FIGN: variants seen among roughly 807,000 people sequenced by gnomAD.
FIGN encodes fidgetin, microtubule severing factor, also known as fidgetin.
A neutral mutation model predicts 51.3 loss-of-function variants in FIGN; 11 were observed. That is an observed-to-expected ratio of 0.21 (90% CI 0.13 to 0.35). FIGN has a LOEUF of 0.35. Among genes scored for constraint, FIGN ranks in the 10% least tolerant of loss-of-function variants. FIGN has a pLI of 1.00. For synonymous variants in FIGN, 407 were observed against 363.2 expected (o/e 1.12, Z -1.37); for missense variants, 857 against 943.6 (o/e 0.91, Z 1.20).
chr2:163,631,215 C>T (rs1011307318), intron 2 of FIGN, among the ~76,000 whole-genome samples: 6 of 152,160 alleles, frequency 3.9e-5, no homozygotes, highest in African/African-American at 1.4e-4. Context: ...TTAGCTAATT[C>T]TTAAGACTGT....
At chr2:163,637,667 C>CT (rs567105298) in intron 2 of FIGN, among the ~76,000 whole-genome samples, 4,339 of 145,642 alleles carry the variant, frequency 0.03, 120 homozygotes, top group African/African-American at 0.077. Flanking sequence ...AATTATTTAA[C>CT]TTTTTTTTTT....
intron 2 of FIGN, among the ~76,000 whole-genome samples, chr2:163,685,949 T>A (rs981313306): frequency 6.6e-6 from 1 of 152,216 alleles, no homozygotes; most frequent in Non-Finnish European, 1.5e-5. Context: ...TAAAGGCAGA[T>A]TTATAGAAAA....
intron 2 of FIGN, among the ~76,000 whole-genome samples, chr2:163,644,119 C>A (rs976782790): frequency 6.6e-6 from 1 of 151,684 alleles, no homozygotes; most frequent in Non-Finnish European, 1.5e-5. Context: ...AAATTAAAAA[C>A]GTTTTGCTTC....
At chr2:163,718,609 T>C (rs1311749631) in intron 2 of FIGN, among the ~76,000 whole-genome samples, 1 of 152,158 alleles carries the variant, frequency 6.6e-6, no homozygotes, top group East Asian at 1.9e-4. Flanking sequence ...AATAGATCAT[T>C]TTTATTGGAA....
chr2:163,637,891 C>G (rs889148752), intron 2 of FIGN, among the ~76,000 whole-genome samples: 29 of 152,112 alleles, frequency 1.9e-4, no homozygotes, highest in African/African-American at 7.0e-4. Flanking sequence ...GTGCCACTGA[C>G]AGAATCTCAA....
intron 2 of FIGN, among the ~76,000 whole-genome samples, chr2:163,668,637 A>G (rs1294943699): frequency 6.6e-6 from 1 of 152,212 alleles, no homozygotes; most frequent in African/African-American, 2.4e-5. Flanking sequence ...TTAAATAGGT[A>G]AAACTTATAA....
Position 163,730,597 on chromosome 2 carries a change from C to A in FIGN, c.25+4306G>T, listed in dbSNP as rs536082058. ...TCTAAGTGGTACCCCCAAATAATTT[C>A]TAAGTTCAGTTGATTTCAATAAAAC... On this transcript the variant is annotated intron_variant, in intron 2 of 2. Coordinates refer to ENST00000333129, the MANE Select transcript of FIGN (RefSeq NM_018086.4). Among the ~76,000 whole-genome samples, 10 of 151,856 alleles carry A rather than the reference C, an allele frequency of 6.6e-5. 1 individual carries two copies. The East Asian group carries it at 1.9e-3, about 29-fold the overall frequency.
chr2:163,632,962 A>C (rs879865244), intron 2 of FIGN, among the ~76,000 whole-genome samples: 3 of 152,120 alleles, frequency 2.0e-5, no homozygotes, highest in Non-Finnish European at 4.4e-5. Context: ...AAGCCAAGAC[A>C]GGAGGATTGC....
intron 2 of FIGN, among the ~76,000 whole-genome samples, chr2:163,689,368 T>C (rs1684203919): frequency 6.6e-6 from 1 of 152,182 alleles, no homozygotes; most frequent in African/African-American, 2.4e-5. Context: ...ATATCACATA[T>C]ATGTCTTGAT....
rs140533039 is a variant in FIGN, at chr2:163,626,204, TC to T, written c.26-14399del. On this transcript the variant is annotated intron_variant, in intron 2 of 2. Coordinates refer to ENST00000333129, the MANE Select transcript of FIGN (RefSeq NM_018086.4). ...AAAGTAGAGAAGAAACCAAACTCAT[TC>T]CCTTGTGAATTGGTATAGCTTTCAG... 1.5e-3 allele frequency among the ~76,000 whole-genome samples: 233 copies of T among 152,256 alleles called. 5 individuals are homozygous for T. In the East Asian group the frequency reaches 0.032, roughly 21 times the overall value.
At chr2:163,655,016 G>A (rs951875914) in intron 2 of FIGN, among the ~76,000 whole-genome samples, 1 of 152,140 alleles carries the variant, frequency 6.6e-6, no homozygotes, top group Non-Finnish European at 1.5e-5. Flanking sequence ...TTTATTGTAA[G>A]ACTTTAAGCT....
chr2:163,685,687 T>C (rs1439818418), intron 2 of FIGN, among the ~76,000 whole-genome samples: 1 of 152,178 alleles, frequency 6.6e-6, no homozygotes, highest in African/African-American at 2.4e-5. Context: ...CTGAAGTAAG[T>C]GGAAGAATAC....
intron 2 of FIGN, among the ~76,000 whole-genome samples, chr2:163,663,901 A>AAG (rs1417303245): frequency 6.6e-6 from 1 of 151,912 alleles, no homozygotes; most frequent in African/African-American, 2.4e-5. Context: ...AAGAAAAGAA[A>AAG]AAAAAAAGAT....
rs1489621818 is a variant in FIGN at position 163,610,574 on chromosome 2, C to G, written c.1258G>C (p.Gly420Arg). ...SLGSRSSESF[G>R]KYTSPVMSEH... ...CTCATTACTGGCGATGTGTACTTCC[C>G]AAAGGATTCACTGGATCTTGATCCC... The change falls in exon 3 of 3, where the codon GGG becomes CGG. Residue 420 changes from glycine to arginine, a missense_variant. Gly to Arg is a moderately radical substitution (Grantham distance 125, BLOSUM62 -2). This residue lies in a region of FIGN where 799 missense variants were observed against 849.5 expected (regional missense o/e 0.94). Transcript: ENST00000333129. 6.2e-7 allele frequency: 1 copy of G among 1,614,174 alleles called. No homozygotes were observed. Among genetic ancestry groups the G allele is most frequent in the Non-Finnish European group, 8.5e-7 (1 of 1,180,034 alleles).
intron 2 of FIGN, among the ~76,000 whole-genome samples, chr2:163,635,637 T>A (rs1297164856): frequency 6.6e-6 from 1 of 152,172 alleles, no homozygotes; most frequent in African/African-American, 2.4e-5. Context: ...AAGTAGGATT[T>A]AAAATTTGTT....
chr2:163,624,707 TA>T (rs201319227), intron 2 of FIGN, among the ~76,000 whole-genome samples: 205 of 132,572 alleles, frequency 1.5e-3, no homozygotes, highest in African/African-American at 5.8e-3. Flanking sequence ...TATATATATA[TA>T]TTTTTTTTTT....
At chr2:163,666,819 T>A (rs978823187) in intron 2 of FIGN, among the ~76,000 whole-genome samples, 33 of 152,036 alleles carry the variant, frequency 2.2e-4, no homozygotes. Context: ...AATTTGACTT[T>A]GGGGTTTGAA....
In FIGN at chr2:163,623,135, A is replaced by G. The variant is rs1339528600; in HGVS notation, c.26-11329T>C. 1.3e-5 allele frequency among the ~76,000 whole-genome samples: 2 copies of G among 152,172 alleles called. 1 individual carries two copies. The highest frequency in any genetic ancestry group is 6.3e-3 in the Middle Eastern group (2 of 316). On this transcript the variant is annotated intron_variant, in intron 2 of 2. Transcript: ENST00000333129. ...ATGACTGCAGTTGTGGAAAGGCTAT[A>G]GAGAATATAAGGGAAAGAGTGACAG...
intron 2 of FIGN, among the ~76,000 whole-genome samples, chr2:163,669,468 T>G (rs1274785014): frequency 6.6e-6 from 1 of 152,242 alleles, no homozygotes; most frequent in East Asian, 1.9e-4. Context: ...AGAATGCATT[T>G]CTATCCTTTA....
Sources: gnomAD v4.1 joint callset for allele counts (sites outside exome capture counted in the v4.1 genomes callset) on GRCh38, gnomAD v4.1.1 for gene constraint, gnomAD v4.1.1 regional missense constraint, MANE v1.5 for transcripts, NCBI Gene and HGNC (gene_info 2026-07-23, HGNC 2026-07-21) for gene names.